Variants in UNC80 observed in about 807,000 individuals in gnomAD.
UNC80 encodes unc-80 subunit of NALCN channel complex, also known as protein unc-80 homolog.
Under a neutral mutation model 384.6 loss-of-function variants are expected in UNC80, and 164 were observed. That is an observed-to-expected ratio of 0.43 (90% CI 0.38 to 0.49). UNC80 has a LOEUF of 0.49. UNC80 is among the 20% of genes least tolerant of loss of function. UNC80 has a pLI of 0.00. For missense variants in UNC80, 3,330 were observed against 4,143.0 expected (o/e 0.80, Z 5.39); for synonymous variants, 1,486 against 1,527.8 (o/e 0.97, Z 0.64).
At chr2:209,887,159 C>T (rs2085886865) in intron 25 of UNC80, among the ~76,000 whole-genome samples, 1 of 152,188 alleles carries the variant, frequency 6.6e-6, no homozygotes, top group African/African-American at 2.4e-5. Flanking sequence ...GCCTCAGCCT[C>T]CTGAGTAGCT....
chr2:209,971,027 GT>G (rs1476689820), intron 54 of UNC80, 70 bp downstream of exon 54: 2 of 1,488,508 alleles, frequency 1.3e-6, no homozygotes, highest in Non-Finnish European at 8.9e-7. Flanking sequence ...TGGTGTTCTC[GT>G]TTTTTTCTGC....
intron 28 of UNC80, among the ~76,000 whole-genome samples, chr2:209,896,870 C>T (rs144774192): frequency 6.6e-6 from 1 of 152,086 alleles, no homozygotes; most frequent in Non-Finnish European, 1.5e-5. Flanking sequence ...CCAGAGGGCA[C>T]AGGCAGGAGG....
chr2:209,976,218 G>A lies in UNC80; in HGVS notation c.8687G>A (p.Gly2896Asp). 6.4e-7 allele frequency: 1 copy of A among 1,551,672 alleles called. No individual in the cohort carries two copies. The stretch of plus-strand genomic sequence containing the variant: ...GAGATGGCTCTGCGGAAGGTGGGAG[G>A]CCTGGCCCTTTGGGATTTCCTCGAC... The part of the protein sequence containing the change: ...VKEMALRKVG[G>D]LALWDFLDFI... Residue 2896 changes from glycine (G) to aspartate (D), a missense_variant, in exon 57 of 65, where the codon GGC (glycine) becomes GAC (aspartate). Gly to Asp is a moderately conservative substitution (Grantham distance 94). Transcript: ENST00000673920. This position sits in a 1 kb window ranked among gnomAD's most constrained non-coding sequence, Gnocchi z 4.3.
chr2:209,779,048 A>G (rs1372754165), intron 4 of UNC80, among the ~76,000 whole-genome samples: 13 of 152,174 alleles, frequency 8.5e-5, no homozygotes, highest in Admixed American at 6.5e-4. Flanking sequence ...CATCAAACAT[A>G]CTAAACTCTT....
chr2:209,906,982 T>G (rs1158438983), intron 29 of UNC80, among the ~76,000 whole-genome samples: 1 of 152,174 alleles, frequency 6.6e-6, no homozygotes, highest in Non-Finnish European at 1.5e-5. Context: ...TTGCTGGCAC[T>G]AGGCCTCTAA....
chr2:209,930,041 A>C, intron 37 of UNC80, 70 bp downstream of exon 37: 1 of 1,054,392 alleles, frequency 9.5e-7, no homozygotes, highest in Non-Finnish European at 1.3e-6. Context: ...TCATGCAAAG[A>C]ACTTTATAGT....
At chr2:209,849,946 G>A (rs115705341) in intron 22 of UNC80, among the ~76,000 whole-genome samples, 2,124 of 152,020 alleles carry the variant, frequency 0.014, 45 homozygotes, top group African/African-American at 0.043. Context: ...GGGCTAGTGC[G>A]AAAACTAAAT....
chr2:209,809,656 G>A, intron 7 of UNC80: 1 of 601,152 alleles, frequency 1.7e-6, no homozygotes, highest in Non-Finnish European at 3.0e-6. Flanking sequence ...AGCTCCAGAA[G>A]GAAGGAGTAC....
chr2:209,873,971 G>T (rs900833227), intron 23 of UNC80, among the ~76,000 whole-genome samples: 1 of 123,646 alleles, frequency 8.1e-6, no homozygotes, highest in Non-Finnish European at 1.7e-5. Context: ...AAAGATACAC[G>T]TATGTATGTG....
chr2:209,938,708 CTCTGTGTG>C (rs1264267371), intron 42 of UNC80, among the ~76,000 whole-genome samples: 6 of 138,324 alleles, frequency 4.3e-5, no homozygotes, highest in African/African-American at 6.1e-5. Context: ...CTCTCTCTCT[CTCTGTGTG>C]TGTGTGTGTG....
chr2:209,784,291 C>T lies in UNC80; in HGVS notation c.601-1775C>T, dbSNP rs190761585. 3.3e-5 allele frequency among the ~76,000 whole-genome samples: 5 copies of T among 152,280 alleles called. No individual in the cohort carries two copies. The East Asian group carries it at 9.7e-4, about 29-fold the overall frequency. On this transcript the variant is annotated intron_variant, in intron 4 of 64. Transcript: ENST00000673920. ...CTGTTGCCCTTTCTCAAACTATTCT[C>T]AACAGCCTGAGTGAACCTATTAAAA...
rs142269181 is a variant in UNC80 at position 209,773,537 on chromosome 2, C to T, written c.141+395C>T. 5.2e-3 allele frequency among the ~76,000 whole-genome samples: 796 copies of T among 152,202 alleles called. 10 individuals are homozygous for T. The highest frequency in any genetic ancestry group is 0.018 in the African/African-American group (747 of 41,514). On this transcript the variant is annotated intron_variant, in intron 2 of 64. Transcript: ENST00000673920. ...GACACAAGGGGAAGGGAGGGAAGGA[C>T]AGCTGAGGGAAGAGCAGAGGAAACA...
intron 39 of UNC80, among the ~76,000 whole-genome samples, chr2:209,935,190 C>G (rs930123317): frequency 1.3e-5 from 2 of 152,190 alleles, no homozygotes; most frequent in Admixed American, 6.5e-5. Flanking sequence ...AATTCTAACT[C>G]TTCCACTAAA....
chr2:209,868,480 A>G (rs1054774868), intron 22 of UNC80, among the ~76,000 whole-genome samples: 1 of 152,224 alleles, frequency 6.6e-6, no homozygotes, highest in African/African-American at 2.4e-5. Context: ...ATTAACCATC[A>G]TATCTTGGCA....
intron 8 of UNC80, among the ~76,000 whole-genome samples, chr2:209,814,336 C>T (rs1157216496): frequency 6.6e-6 from 1 of 152,030 alleles, no homozygotes; most frequent in African/African-American, 2.4e-5. Context: ...ACCGGGTTCA[C>T]GCCATTCTCC....
intron 46 of UNC80, among the ~76,000 whole-genome samples, chr2:209,945,601 A>G (rs891165302): frequency 1.3e-5 from 2 of 152,170 alleles, no homozygotes; most frequent in African/African-American, 4.8e-5. Context: ...AGTGTCTTCT[A>G]TTATCTGAGA....
At chr2:209,958,561 G>T (rs2092488152) in intron 49 of UNC80, among the ~76,000 whole-genome samples, 1 of 152,094 alleles carries the variant, frequency 6.6e-6, no homozygotes, top group African/African-American at 2.4e-5. Context: ...AAATTGCCTG[G>T]TGTGATGGTT....
intron 8 of UNC80, among the ~76,000 whole-genome samples, chr2:209,815,016 A>G (rs552367560): frequency 1.5e-4 from 23 of 152,242 alleles, no homozygotes; most frequent in Admixed American, 5.2e-4. Context: ...CTATTTTCTT[A>G]GCATTCTAAA....
chr2:209,867,502 T>C (rs2083935508), intron 22 of UNC80, among the ~76,000 whole-genome samples: 2 of 152,186 alleles, frequency 1.3e-5, no homozygotes, highest in Admixed American at 1.3e-4. Flanking sequence ...TAAAAGACTT[T>C]TTCCTTTTGT....
Sources: allele counts gnomAD v4.1 joint callset (sites outside exome capture counted in the v4.1 genomes callset), GRCh38; gene constraint gnomAD v4.1.1; non-coding constraint Gnocchi (gnomAD v3.1); transcripts MANE v1.5; gene names NCBI Gene and HGNC (gene_info 2026-07-23, HGNC 2026-07-21).